The following MCFD2 variants were observed in gnomAD, a reference collection of about 807,000 sequenced individuals.
MCFD2 encodes the protein multiple coagulation factor deficiency 2, ER cargo receptor complex subunit.
A neutral mutation model predicts 12.8 loss-of-function variants in MCFD2; 11 were observed. The ratio of observed to expected loss-of-function variants is 0.86; its 90% CI spans 0.54 to 1.42. The LOEUF is 1.42. Among genes scored for constraint, MCFD2 ranks in the 40% most tolerant of loss-of-function variants. MCFD2 has a pLI of 0.00. For missense variants in MCFD2, 191 were observed against 178.6 expected (o/e 1.07, Z -0.40); for synonymous variants, 70 against 68.1 (o/e 1.03, Z -0.14).
At chr2:46,928,024 G>A (rs912637236) in intron 1 of MCFD2, among the ~76,000 whole-genome samples, 1 of 149,574 alleles carries the variant, frequency 6.7e-6, no homozygotes, top group African/African-American at 2.5e-5. Context: ...CTCCTAAGTA[G>A]CTGACCACTG....
rs1668072000 is a variant in MCFD2 at position 46,902,984 on chromosome 2, A to G, written c.*2479T>C. ...CCTGAGTACTCAGCTCCAATTATCTAATATTCTTGAAAGGATGCTGATATG... is the reference window on the plus strand; with the variant it reads ...CCTGAGTACTCAGCTCCAATTATCTGATATTCTTGAAAGGATGCTGATATG... On this transcript the variant is annotated 3_prime_UTR_variant, in exon 4 of 4. Coordinates refer to ENST00000319466, the MANE Select transcript of MCFD2 (RefSeq NM_139279.6). 1 of 152,166 alleles carries G rather than the reference A, an allele frequency of 6.6e-6. No homozygotes were observed. Among genetic ancestry groups the G allele is most frequent in the Non-Finnish European group, 1.5e-5 (1 of 68,038 alleles). 9.4% of individuals were successfully genotyped at this position (152,166 alleles called of 1,614,324 possible). A position where few individuals can be genotyped will look rare whatever the true frequency, so the allele number is the denominator to read the frequency against.
At chr2:46,938,379 C>T (rs564612742) in intron 1 of MCFD2, among the ~76,000 whole-genome samples, 8 of 152,214 alleles carry the variant, frequency 5.3e-5, no homozygotes, top group African/African-American at 1.9e-4. Context: ...GGGTCATACG[C>T]CTATCTAATA....
At chr2:46,936,687 G>C (rs577567591) in intron 1 of MCFD2, among the ~76,000 whole-genome samples, 10 of 152,206 alleles carry the variant, frequency 6.6e-5, no homozygotes, top group Admixed American at 3.3e-4. Flanking sequence ...TTTATAGACA[G>C]CATCATCATT....
At chr2:46,926,978 A>T (rs1669416976) in intron 1 of MCFD2, among the ~76,000 whole-genome samples, 1 of 152,208 alleles carries the variant, frequency 6.6e-6, no homozygotes, top group Non-Finnish European at 1.5e-5. Flanking sequence ...TATAACGGAT[A>T]GATTGAACTA....
intron 3 of MCFD2, 159 bp from the exon 4 acceptor site, chr2:46,905,753 G>A: frequency 1.3e-6 from 1 of 746,910 alleles, no homozygotes. Flanking sequence ...GCTCATATGT[G>A]TCCAAAAACT....
rs1572669798 is a variant in MCFD2 at position 46,941,361 on chromosome 2, C to T, written c.-8+211G>A. The T allele has an allele frequency of 8.1e-6, 3 of 369,910 alleles. No homozygotes were observed. The East Asian group carries it at 2.6e-4, about 32-fold the overall frequency. 22.9% of individuals were successfully genotyped at this position (369,910 alleles called of 1,614,324 possible). A position where few individuals can be genotyped will look rare whatever the true frequency, so the allele number is the denominator to read the frequency against. ...GCGCCGGGCGGTGCGCTGGGAGCTG[C>T]TGGTGCTGCTGCTGCTGCTGCTGCC... On this transcript the variant is annotated intron_variant, in intron 1 of 2. Transcript: ENST00000409147. This position sits in a 1 kb window ranked among gnomAD's most constrained non-coding sequence, Gnocchi z 4.2.
intron 1 of MCFD2, among the ~76,000 whole-genome samples, chr2:46,936,808 T>G (rs907361183): frequency 1.3e-5 from 2 of 152,110 alleles, no homozygotes; most frequent in African/African-American, 2.4e-5. Flanking sequence ...TCCAGTGGTC[T>G]TCTTTTTTTT....
intron 1 of MCFD2, among the ~76,000 whole-genome samples, chr2:46,928,093 T>A (rs187906483): frequency 6.6e-6 from 1 of 151,634 alleles, no homozygotes; most frequent in Non-Finnish European, 1.5e-5. Context: ...GTTTTTGCCA[T>A]GTTGCCCAGG....
rs889430513 is a variant in MCFD2 at position 46,903,227 on chromosome 2, T to G, written c.*2236A>C. Reference sequence around the variant, plus strand: ...TTTTTTCTTGCCACAATGTAAGAAGTGTCTTTTGCCTCCCACCATGATTCT... The same window carrying G: ...TTTTTTCTTGCCACAATGTAAGAAGGGTCTTTTGCCTCCCACCATGATTCT... On this transcript the variant is annotated 3_prime_UTR_variant, in exon 4 of 4. Coordinates refer to ENST00000319466, the MANE Select transcript of MCFD2 (RefSeq NM_139279.6). The G allele has an allele frequency of 6.4e-6, 1 of 155,294 alleles. No individual in the cohort carries two copies. Among genetic ancestry groups the G allele is most frequent in the African/African-American group, 2.4e-5 (1 of 41,514 alleles). The allele number at this position is 155,294 out of a possible 1,614,324, so 9.6% of individuals were successfully genotyped here. A position where few individuals can be genotyped will look rare whatever the true frequency, so the allele number is the denominator to read the frequency against.
At chr2:46,923,983 G>A (rs547996989) in intron 1 of MCFD2, among the ~76,000 whole-genome samples, 6 of 151,890 alleles carry the variant, frequency 4.0e-5, no homozygotes, top group East Asian at 3.9e-4. Context: ...TGATCCACCC[G>A]CCTCGGCCTC....
chr2:46,917,255 C>G (rs76192704), upstream of MCFD2: 25,068 of 699,252 alleles, frequency 0.036, 578 homozygotes, highest in Non-Finnish European at 0.047. Flanking sequence ...ACCTCCGCCT[C>G]CCAAAGTGCT....
intron 1 of MCFD2, among the ~76,000 whole-genome samples, chr2:46,930,192 T>G (rs764029202): frequency 2.0e-5 from 3 of 152,060 alleles, no homozygotes; most frequent in Non-Finnish European, 2.9e-5. Flanking sequence ...GAAAGCAACA[T>G]GTAATAGAGA....
At chr2:46,929,047 C>T (rs1669553977) in intron 1 of MCFD2, among the ~76,000 whole-genome samples, 1 of 151,910 alleles carries the variant, frequency 6.6e-6, no homozygotes, top group Non-Finnish European at 1.5e-5. Context: ...CCTGTAATCT[C>T]AGCTGTTTGG....
rs980307687 is a variant in MCFD2 at position 46,907,999 on chromosome 2, T to C, written c.150-30A>G. 2.5e-6 allele frequency: 4 copies of C among 1,613,140 alleles called. No individual in the cohort carries two copies. Among genetic ancestry groups the C allele is most frequent in the Non-Finnish European group, 3.4e-6 (4 of 1,179,660 alleles). ...AAATCAACAGTCAGGTTCAGGCCAA[T>C]TGACAGATACTGGGATCATGCTGAA... On this transcript the variant is annotated intron_variant, in intron 2 of 3. Coordinates refer to ENST00000319466, the MANE Select transcript of MCFD2 (RefSeq NM_139279.6). This position sits in a 1 kb window ranked among gnomAD's most constrained non-coding sequence, Gnocchi z 4.1.
chr2:46,915,700 GGA>G (rs1338569775), intron 1 of MCFD2, 21 bp downstream of exon 1: 2 of 919,156 alleles, frequency 2.2e-6, no homozygotes, highest in Non-Finnish European at 2.6e-6. Context: ...CGCCCGCTGC[GGA>G]GAGTGCGCTA....
In MCFD2 at chr2:46,909,037, T is replaced by A; in HGVS notation, c.135A>T (p.Thr45=). ...TGAATACGTACTCTTGGTCGTGCACTGTGTTCTTATCCAGGCCCATGCTGC... is the reference window on the plus strand; with the variant it reads ...TGAATACGTACTCTTGGTCGTGCACAGTGTTCTTATCCAGGCCCATGCTGC... ...QPGSMGLDKN[T]VHDQEHIMEH... is the part of the protein sequence containing the mutation. Residue 45 remains threonine (T), a synonymous_variant, in exon 2 of 4, where the codon ACA becomes ACT. Transcript: ENST00000319466. 6.2e-7 allele frequency: 1 copy of A among 1,614,186 alleles called. No homozygotes were observed. Among genetic ancestry groups the A allele is most frequent in the Middle Eastern group, 1.6e-4 (1 of 6,062 alleles).
At position 46,905,606 on chromosome 2, in the gene MCFD2, A is replaced by T; in HGVS notation, c.310-12T>A. 11 of 1,612,692 alleles carry T rather than the reference A, an allele frequency of 6.8e-6. No individual in the cohort carries two copies. The highest frequency in any genetic ancestry group is 9.3e-6 in the Non-Finnish European group (11 of 1,179,100). Reference sequence around the variant, plus strand: ...TGTTCACTCCCTTCCTACAAAATACAAATTAGACAATGATGAGTTGCGCAT... The same window carrying T: ...TGTTCACTCCCTTCCTACAAAATACTAATTAGACAATGATGAGTTGCGCAT... On this transcript the variant is annotated splice_polypyrimidine_tract_variant and intron_variant, in intron 3 of 3. Coordinates refer to ENST00000319466, the MANE Select transcript of MCFD2 (RefSeq NM_139279.6).
At position 46,937,666 on chromosome 2, in the gene MCFD2, G is replaced by A. The variant is rs1396067998; in HGVS notation, c.-8+3906C>T. Among the ~76,000 whole-genome samples the A allele has an allele frequency of 6.6e-6, 1 of 152,138 alleles. No homozygotes were observed. Among genetic ancestry groups the A allele is most frequent in the Non-Finnish European group, 1.5e-5 (1 of 68,038 alleles). On this transcript the variant is annotated intron_variant, in intron 1 of 2. Transcript: ENST00000409147. The surrounding 1 kb of genome is among the most constrained non-coding windows in gnomAD (Gnocchi z 4.0). ...TTGTCCAGGCTGGTCTTGAATTCCT[G>A]GACTCAAGTGATTCTCCCACCTCCT...
intron 1 of MCFD2, among the ~76,000 whole-genome samples, chr2:46,922,738 G>A (rs1229935037): frequency 6.6e-6 from 1 of 152,086 alleles, no homozygotes; most frequent in Admixed American, 6.6e-5. Context: ...TGTGGGGAGG[G>A]GCGGGGGGCT....
Sources: gnomAD v4.1 joint callset for allele counts (sites outside exome capture counted in the v4.1 genomes callset) on GRCh38, gnomAD v4.1.1 for gene constraint, Gnocchi (gnomAD v3.1) non-coding constraint, MANE v1.5 for transcripts, NCBI Gene and HGNC (gene_info 2026-07-23, HGNC 2026-07-21) for gene names.